Variants in FAF1 observed in about 807,000 individuals in gnomAD.
FAF1 encodes FAS-associated factor 1.
FAF1 carries 25 observed loss-of-function variants against 92.5 expected under a neutral mutation model. The observed-to-expected ratio is 0.27, with a 90% CI of 0.20 to 0.38. The LOEUF is 0.38. Ranked by LOEUF, FAF1 falls within the 10% of genes least tolerant of loss-of-function variation. The probability of loss-of-function intolerance (pLI) is 1.00; values close to 1 mark genes in which losing one functional copy is unlikely to be tolerated. For missense variants in FAF1, 636 were observed against 793.3 expected (o/e 0.80, Z 2.38); for synonymous variants, 234 against 273.2 (o/e 0.86, Z 1.42).
At chr1:50,937,841 G>A (rs941318188) in intron 1 of FAF1, among the ~76,000 whole-genome samples, 1 of 152,092 alleles carries the variant, frequency 6.6e-6, no homozygotes, top group Non-Finnish European at 1.5e-5. Flanking sequence ...GCCTGCCACA[G>A]AGCAGATAAT....
chr1:50,648,457 A>T (rs959217722), intron 8 of FAF1, among the ~76,000 whole-genome samples: 5 of 152,236 alleles, frequency 3.3e-5, no homozygotes, highest in African/African-American at 1.2e-4. Context: ...TCATTCATTC[A>T]ACAAATATTT....
At chr1:50,573,690 C>T (rs1015375106) in intron 12 of FAF1, among the ~76,000 whole-genome samples, 4 of 152,000 alleles carry the variant, frequency 2.6e-5, no homozygotes, top group African/African-American at 9.7e-5. Flanking sequence ...TGAGGAGATG[C>T]CAGGATGGTG....
At chr1:50,569,312 G>A (rs1477654019) in intron 12 of FAF1, among the ~76,000 whole-genome samples, 1 of 152,108 alleles carries the variant, frequency 6.6e-6, no homozygotes, top group African/African-American at 2.4e-5. Context: ...AGAGAATGAG[G>A]TCTCTTTCAG....
intron 15 of FAF1, among the ~76,000 whole-genome samples, chr1:50,492,760 G>A (rs1398246653): frequency 6.6e-6 from 1 of 152,130 alleles, no homozygotes; most frequent in African/African-American, 2.4e-5. Flanking sequence ...ACTCAAGGCT[G>A]AATATATGCT....
chr1:50,664,432 A>G (rs755427316), intron 7 of FAF1, among the ~76,000 whole-genome samples: 6 of 151,778 alleles, frequency 4.0e-5, no homozygotes, highest in East Asian at 1.9e-4. Context: ...AGATATCTAT[A>G]TATGTCAGAT....
intron 5 of FAF1, among the ~76,000 whole-genome samples, chr1:50,742,394 T>C (rs1659424084): frequency 8.9e-6 from 1 of 111,888 alleles, no homozygotes; most frequent in Non-Finnish European, 1.9e-5. Context: ...AGGGGGGGTG[T>C]GGCGGGGGAG....
intron 8 of FAF1, among the ~76,000 whole-genome samples, chr1:50,625,485 G>C (rs1653456294): frequency 6.6e-6 from 1 of 152,202 alleles, no homozygotes; most frequent in Admixed American, 6.5e-5. Context: ...CACAATCAAT[G>C]CTTTGGTAGT....
chr1:50,792,819 T>C (rs1661611583), intron 3 of FAF1, among the ~76,000 whole-genome samples: 1 of 152,076 alleles, frequency 6.6e-6, no homozygotes, highest in Non-Finnish European at 1.5e-5. Context: ...AACAAGCTAA[T>C]CAGATTCCAG....
chr1:50,541,546 C>A (rs1394710578), intron 13 of FAF1, among the ~76,000 whole-genome samples: 2 of 152,054 alleles, frequency 1.3e-5, no homozygotes, highest in African/African-American at 4.8e-5. Flanking sequence ...TGACTCTGGC[C>A]TGATCATTGG....
chr1:50,534,097 T>C (rs1360236354), intron 15 of FAF1, among the ~76,000 whole-genome samples: 3 of 152,170 alleles, frequency 2.0e-5, no homozygotes, highest in African/African-American at 4.8e-5. Flanking sequence ...GCTAAATTAA[T>C]AGGGATACTA....
chr1:50,883,936 C>A (rs1644635665), intron 1 of FAF1, among the ~76,000 whole-genome samples: 1 of 151,786 alleles, frequency 6.6e-6, no homozygotes, highest in South Asian at 2.1e-4. Context: ...ACCAGCCTGG[C>A]CAACATGGAG....
intron 6 of FAF1, among the ~76,000 whole-genome samples, chr1:50,735,024 A>C (rs1423789978): frequency 6.6e-6 from 1 of 152,220 alleles, no homozygotes; most frequent in African/African-American, 2.4e-5. Flanking sequence ...GGGTGAAGCA[A>C]TCAAAAAGAA....
At chr1:50,442,400 G>A (rs1646179135) in intron 18 of FAF1, among the ~76,000 whole-genome samples, 2 of 152,212 alleles carry the variant, frequency 1.3e-5, no homozygotes, top group Non-Finnish European at 2.9e-5. Context: ...TTGTGGCTTT[G>A]GAGTTAGTAT....
intron 13 of FAF1, among the ~76,000 whole-genome samples, chr1:50,546,563 A>G (rs1649027448): frequency 6.6e-6 from 1 of 151,916 alleles, no homozygotes; most frequent in African/African-American, 2.4e-5. Context: ...ATGGGGTTTC[A>G]CCATGTTGGT....
intron 4 of FAF1, chr1:50,780,322 G>C (rs1302457935): frequency 6.5e-6 from 1 of 153,186 alleles, no homozygotes; most frequent in Non-Finnish European, 1.5e-5. Flanking sequence ...GGTGTGAGAG[G>C]GTCCAGCAGA....
chr1:50,538,742 G>T (rs1460530067), intron 14 of FAF1, among the ~76,000 whole-genome samples: 1 of 152,088 alleles, frequency 6.6e-6, no homozygotes, highest in East Asian at 1.9e-4. Context: ...ATGCAAATCA[G>T]TTCCCCTGGA....
At chr1:50,452,324 T>C (rs1318224559) in intron 18 of FAF1, 4 of 389,348 alleles carry the variant, frequency 1.0e-5, no homozygotes, top group Admixed American at 7.4e-5. Context: ...TGTGGCAAGA[T>C]AAACCTAATG....
At chr1:50,650,445 C>T (rs1000941333) in intron 8 of FAF1, among the ~76,000 whole-genome samples, 1 of 151,640 alleles carries the variant, frequency 6.6e-6, no homozygotes, top group Non-Finnish European at 1.5e-5. Flanking sequence ...CACAGCGAAA[C>T]CCTGTCTCTA....
chr1:50,849,552 T>C (rs1432626271), intron 2 of FAF1, among the ~76,000 whole-genome samples: 1 of 152,174 alleles, frequency 6.6e-6, no homozygotes, highest in Non-Finnish European at 1.5e-5. Flanking sequence ...GTGAGAGTGC[T>C]ATTGGACTTG....
Sources: gnomAD v4.1 joint callset for allele counts (sites outside exome capture counted in the v4.1 genomes callset) on GRCh38, gnomAD v4.1.1 for gene constraint, MANE v1.5 for transcripts, NCBI Gene and HGNC (gene_info 2026-07-23, HGNC 2026-07-21) for gene names.